The following CFAP298 variants were observed in gnomAD, a reference collection of about 807,000 sequenced individuals.
CFAP298 encodes cilia- and flagella-associated protein 298.
CFAP298 carries 38 observed loss-of-function variants against 41.0 expected under a neutral mutation model. The observed-to-expected ratio is 0.93, with a 90% CI of 0.72 to 1.22. The LOEUF (loss-of-function observed/expected upper bound fraction) is 1.22, where lower values mean the gene tolerates loss of function less well. Among genes scored for constraint, CFAP298 ranks in the 50% most tolerant of loss-of-function variants. The probability of loss-of-function intolerance (pLI) is 0.00; values close to 1 mark genes in which losing one functional copy is unlikely to be tolerated. For missense variants in CFAP298, 348 were observed against 360.3 expected (o/e 0.97, Z 0.28); for synonymous variants, 137 against 135.3 (o/e 1.01, Z -0.09).
chr21:32,604,525 A>G (rs2038824585), intron 3 of CFAP298: 1 of 494,884 alleles, frequency 2.0e-6, no homozygotes, highest in African/African-American at 1.9e-5. Flanking sequence ...AAGAATTCTC[A>G]AAGGAGAAAG....
In CFAP298 at chr21:32,612,363, C is replaced by A; in HGVS notation, c.-120G>T. On this transcript the variant is annotated 5_prime_UTR_variant, in exon 1 of 7. Coordinates refer to ENST00000290155, the MANE Select transcript of CFAP298 (RefSeq NM_021254.4). ...CGACGCACTAACAGCCGCTCACAGT[C>A]CGGAATCCCACGCTCCCTAGCCCGC... The A allele has an allele frequency of 7.0e-7, 1 of 1,431,748 alleles. No individual in the cohort carries two copies. 88.7% of individuals were successfully genotyped at this position (1,431,748 alleles called of 1,614,324 possible).
Position 32,603,160 on chromosome 21 carries a change from C to T in CFAP298, c.666+1G>A, listed in dbSNP as rs111926149. 6.2e-7 allele frequency: 1 copy of T among 1,614,220 alleles called. No homozygotes were observed. The highest frequency in any genetic ancestry group is 8.5e-7 in the Non-Finnish European group (1 of 1,180,012). Reference sequence around the variant, plus strand: ...GACACATTAAAGCAAAAAGTACTTACTTGCTGAATCTTGGCGATAATTTTG... The same window carrying T: ...GACACATTAAAGCAAAAAGTACTTATTTGCTGAATCTTGGCGATAATTTTG... On this transcript the variant is annotated splice_donor_variant, in intron 5 of 6. Transcript: ENST00000290155. LOFTEE classifies it high-confidence loss of function.
Position 32,600,358 on chromosome 21 carries a change from G to T in CFAP298, c.*1505C>A, listed in dbSNP as rs2236429. ...TCTCAGGTCTGGGACCCACCCCCTGGGCAAGGCCGCCTGGCAGCAGGCAGG... is the reference window on the plus strand; with the variant it reads ...TCTCAGGTCTGGGACCCACCCCCTGTGCAAGGCCGCCTGGCAGCAGGCAGG... On this transcript the variant is annotated 3_prime_UTR_variant, in exon 7 of 7. Coordinates refer to ENST00000290155, the MANE Select transcript of CFAP298 (RefSeq NM_021254.4). Among the ~76,000 whole-genome samples, 181 of 152,340 alleles carry T rather than the reference G, an allele frequency of 1.2e-3. 1 individual carries two copies. The East Asian group carries it at 0.034, about 29-fold the overall frequency.
At chr21:32,608,942 G>A (rs1203449610) in intron 2 of CFAP298, among the ~76,000 whole-genome samples, 1 of 152,198 alleles carries the variant, frequency 6.6e-6, no homozygotes, top group Non-Finnish European at 1.5e-5. Flanking sequence ...TTTTAGGGCT[G>A]TTCAATTACA....
intron 6 of CFAP298, 132 bp downstream of exon 6, chr21:32,602,139 CT>C: frequency 1.0e-6 from 1 of 952,818 alleles, no homozygotes; most frequent in East Asian, 2.4e-5. Flanking sequence ...CCCGACAGAC[CT>C]GCAGACAGAA....
rs1301656743 is a variant in CFAP298 at position 32,612,330 on chromosome 21, A to C, written c.-87T>G. On this transcript the variant is annotated 5_prime_UTR_variant, in exon 1 of 7. Transcript: ENST00000290155. ...GCCGGCCGAGGGTCGCCGGATCGCC[A>C]GCAGCTGCGACGCACTAACAGCCGC... 1 of 1,458,248 alleles carries C rather than the reference A, an allele frequency of 6.9e-7. No individual in the cohort carries two copies. The highest frequency in any genetic ancestry group is 9.1e-7 in the Non-Finnish European group (1 of 1,104,782). The allele number at this position is 1,458,248 out of a possible 1,614,324, so 90.3% of individuals were successfully genotyped here. A position where few individuals can be genotyped will look rare whatever the true frequency, so the allele number is the denominator to read the frequency against.
intron 6 of CFAP298, 90 bp from the exon 7 acceptor site, chr21:32,602,063 C>T: frequency 2.2e-6 from 2 of 926,660 alleles, no homozygotes; most frequent in Non-Finnish European, 3.5e-6. Flanking sequence ...GACTGACCTC[C>T]CCCTCTCCCT....
chr21:32,603,377 G>A, intron 4 of CFAP298, 85 bp from the exon 5 acceptor site: 1 of 1,473,536 alleles, frequency 6.8e-7, no homozygotes, highest in Non-Finnish European at 9.3e-7. Context: ...CAGGGGGCAG[G>A]GGACAGATTT....
chr21:32,611,176 C>G (rs540165679), intron 1 of CFAP298, among the ~76,000 whole-genome samples: 1 of 151,128 alleles, frequency 6.6e-6, no homozygotes, highest in South Asian at 2.1e-4. Flanking sequence ...TGGTGGTGGG[C>G]GCCTGTAATC....
chr21:32,603,582 A>AG (rs1229610373), intron 4 of CFAP298, among the ~76,000 whole-genome samples: 3 of 152,222 alleles, frequency 2.0e-5, no homozygotes, highest in Non-Finnish European at 2.9e-5. Flanking sequence ...GGCCACTGCC[A>AG]GGGAAGGGCA....
At chr21:32,606,339 G>A (rs1207058071) in intron 3 of CFAP298, among the ~76,000 whole-genome samples, 6 of 152,186 alleles carry the variant, frequency 3.9e-5, no homozygotes, top group African/African-American at 1.4e-4. Context: ...TTTGCATTTG[G>A]CAGAGTAGAT....
At chr21:32,602,085 G>T in intron 6 of CFAP298, 112 bp from the exon 7 acceptor site, 1 of 856,902 alleles carries the variant, frequency 1.2e-6, no homozygotes, top group Non-Finnish European at 1.9e-6. Context: ...CCCTCTAGGA[G>T]CAGGATACTG....
In CFAP298 at chr21:32,601,986, ATG is replaced by A; in HGVS notation, c.763-15_763-14del. On this transcript the variant is annotated splice_polypyrimidine_tract_variant and intron_variant, in intron 6 of 6. Transcript: ENST00000290155. ...TTTCTTCCAATCTCTGGAAATAAGTATGTTTTATTCAGGCAGGCATTTCAGGA... is the reference window on the plus strand; with the variant it reads ...TTTCTTCCAATCTCTGGAAATAAGTATTTTATTCAGGCAGGCATTTCAGGA... The A allele has an allele frequency of 6.7e-7, 1 of 1,490,616 alleles. No individual in the cohort carries two copies. Among genetic ancestry groups the A allele is most frequent in the Non-Finnish European group, 9.4e-7 (1 of 1,068,180 alleles). The allele number at this position is 1,490,616 out of a possible 1,614,324, so 92.3% of individuals were successfully genotyped here. A position where few individuals can be genotyped will look rare whatever the true frequency, so the allele number is the denominator to read the frequency against.
Position 32,602,222 on chromosome 21 carries a change from G to GAT in CFAP298, c.762+49_762+50insAT, listed in dbSNP as rs758342832. 4 of 1,548,994 alleles carry GAT rather than the reference G, an allele frequency of 2.6e-6. No individual in the cohort carries two copies. The African/African-American group carries it at 5.4e-5, about 21-fold the overall frequency. ...CCAGCAGCCCCAGGTAAGGCACACA[G>GAT]GCTATGTGTGGGCGCCAGCACTGCA... On this transcript the variant is annotated intron_variant, in intron 6 of 6. Transcript: ENST00000290155.
In CFAP298 at chr21:32,601,241, C is replaced by G. The variant is rs1049780727; in HGVS notation, c.*622G>C. ...AGTCATCAGCTTTCCTCCAATAAAC[C>G]AGTTATCATGAGAATATAAAACAAT... On this transcript the variant is annotated 3_prime_UTR_variant, in exon 7 of 7. Coordinates refer to ENST00000290155, the MANE Select transcript of CFAP298 (RefSeq NM_021254.4). Among the ~76,000 whole-genome samples the G allele has an allele frequency of 3.4e-4, 51 of 150,606 alleles. 1 individual carries two copies. Among genetic ancestry groups the G allele is most frequent in the African/African-American group, 1.2e-3 (50 of 40,850 alleles).
chr21:32,611,668 T>C (rs946086320), intron 1 of CFAP298, among the ~76,000 whole-genome samples: 2 of 152,038 alleles, frequency 1.3e-5, no homozygotes, highest in African/African-American at 2.4e-5. Context: ...CTTCCTCAAC[T>C]GTAAGGGGCC....
chr21:32,607,801 C>A, intron 2 of CFAP298, 85 bp from the exon 3 acceptor site: 2 of 814,850 alleles, frequency 2.5e-6, no homozygotes, highest in South Asian at 3.0e-5. Context: ...CTGTCTGAGT[C>A]AGGGGGTAAA....
In CFAP298 at chr21:32,601,639, T is replaced by C. The variant is rs1343549543; in HGVS notation, c.*224A>G. ...TCAAAGAAAACCATGACATACTAAA[T>C]AGTCCTGAAACAAAAACGATTTACA... On this transcript the variant is annotated 3_prime_UTR_variant, in exon 7 of 7. Coordinates refer to ENST00000290155, the MANE Select transcript of CFAP298 (RefSeq NM_021254.4). 5 of 460,184 alleles carry C rather than the reference T, an allele frequency of 1.1e-5. No individual in the cohort carries two copies. The highest frequency in any genetic ancestry group is 1.2e-5 in the Non-Finnish European group (3 of 257,500). 28.5% of individuals were successfully genotyped at this position (460,184 alleles called of 1,614,324 possible).
intron 4 of CFAP298, among the ~76,000 whole-genome samples, chr21:32,603,891 C>T (rs1034797576): frequency 6.6e-5 from 10 of 152,174 alleles, no homozygotes; most frequent in African/African-American, 2.4e-4. Flanking sequence ...TCCTGATGAG[C>T]GGCCTCACAA....
Sources: gnomAD v4.1 joint callset for allele counts (sites outside exome capture counted in the v4.1 genomes callset) on GRCh38, gnomAD v4.1.1 for gene constraint, MANE v1.5 for transcripts, NCBI Gene and HGNC (gene_info 2026-07-23, HGNC 2026-07-21) for gene names.